The following FUT8 variants were observed in gnomAD, a reference collection of about 807,000 sequenced individuals.
FUT8 encodes the protein alpha-(1,6)-fucosyltransferase.
A neutral mutation model predicts 71.3 loss-of-function variants in FUT8; 29 were observed. That is an observed-to-expected ratio of 0.41 (90% CI 0.30 to 0.55). The LOEUF is 0.55. FUT8 is among the 20% of genes least tolerant of loss of function. FUT8 has a pLI of 0.34. For missense variants in FUT8, 544 were observed against 702.1 expected (o/e 0.77, Z 2.55); for synonymous variants, 254 against 239.3 (o/e 1.06, Z -0.57).
At chr14:65,443,148 C>G (rs540862858) in intron 1 of FUT8, among the ~76,000 whole-genome samples, 1 of 151,900 alleles carries the variant, frequency 6.6e-6, no homozygotes, top group African/African-American at 2.4e-5. Context: ...TGGTGGCTCA[C>G]GCCTGTAATC....
intron 6 of FUT8, among the ~76,000 whole-genome samples, chr14:65,651,307 T>C (rs1248558937): frequency 1.3e-5 from 2 of 152,256 alleles, no homozygotes; most frequent in African/African-American, 4.8e-5. Context: ...TGCTGTGTTA[T>C]ACCACCCAGG....
intron 6 of FUT8, among the ~76,000 whole-genome samples, chr14:65,639,748 A>G (rs1012871404): frequency 6.6e-6 from 1 of 152,134 alleles, no homozygotes; most frequent in Non-Finnish European, 1.5e-5. Context: ...ACCCAGCTTT[A>G]TGATCAGTTT....
upstream of FUT8, among the ~76,000 whole-genome samples, chr14:65,408,198 G>A (rs2065094552): frequency 6.6e-6 from 1 of 151,898 alleles, no homozygotes; most frequent in South Asian, 2.1e-4. Context: ...CTTTTTTTTG[G>A]AAGTTAAGCC....
At chr14:65,465,434 A>C (rs1314151610) in intron 2 of FUT8, among the ~76,000 whole-genome samples, 2 of 152,120 alleles carry the variant, frequency 1.3e-5, no homozygotes, top group Non-Finnish European at 2.9e-5. Context: ...AGCCTCCCAA[A>C]GTGCTGGGAT....
chr14:65,604,879 A>C (rs1443496402), intron 3 of FUT8, among the ~76,000 whole-genome samples: 1 of 152,008 alleles, frequency 6.6e-6, no homozygotes, highest in Non-Finnish European at 1.5e-5. Context: ...AGTGTTGTGC[A>C]TACCTCCTGT....
At chr14:65,538,374 C>G (rs1412286466) in intron 2 of FUT8, among the ~76,000 whole-genome samples, 1 of 152,170 alleles carries the variant, frequency 6.6e-6, no homozygotes, top group Non-Finnish European at 1.5e-5. Flanking sequence ...GAAGGGTTTC[C>G]AGCTTCCTCT....
At chr14:65,461,239 T>C (rs2065964680) in intron 2 of FUT8, among the ~76,000 whole-genome samples, 1 of 152,208 alleles carries the variant, frequency 6.6e-6, no homozygotes, top group Non-Finnish European at 1.5e-5. Flanking sequence ...AACTCCAATC[T>C]CTACCTCAGT....
intron 2 of FUT8, among the ~76,000 whole-genome samples, chr14:65,499,219 C>T (rs1208847138): frequency 6.6e-6 from 1 of 152,124 alleles, no homozygotes; most frequent in East Asian, 1.9e-4. Flanking sequence ...CCATACCTGG[C>T]TGAATTTTTT....
intron 3 of FUT8, among the ~76,000 whole-genome samples, chr14:65,589,176 C>T (rs567227890): frequency 1.3e-5 from 2 of 152,254 alleles, no homozygotes; most frequent in East Asian, 3.9e-4. Flanking sequence ...TTTGTTTTTA[C>T]ATGTAATCTA....
the FUT8 span, among the ~76,000 whole-genome samples, chr14:65,368,363 A>G: frequency 5.7e-5 from 6 of 104,826 alleles, no homozygotes; most frequent in African/African-American, 1.0e-4. Context: ...TTTTTGGGAC[A>G]GAGTTTCGCT....
chr14:65,706,475 C>T (rs1894558853), intron 7 of FUT8, among the ~76,000 whole-genome samples: 1 of 152,096 alleles, frequency 6.6e-6, no homozygotes, highest in African/African-American at 2.4e-5. Context: ...CCTTATAAAA[C>T]AGGATTATTA....
chr14:65,650,525 T>C (rs998351366), intron 6 of FUT8, among the ~76,000 whole-genome samples: 7 of 150,872 alleles, frequency 4.6e-5, no homozygotes, highest in African/African-American at 1.7e-4. Flanking sequence ...AACAGTCAGA[T>C]CTCCTGAGGA....
Position 65,413,643 on chromosome 14 carries a change from T to C in FUT8, c.-326+429T>C, listed in dbSNP as rs2065175092. 6.6e-6 allele frequency among the ~76,000 whole-genome samples: 1 copy of C among 152,180 alleles called. No individual in the cohort carries two copies. Among genetic ancestry groups the C allele is most frequent in the South Asian group, 2.1e-4 (1 of 4,828 alleles). On this transcript the variant is annotated intron_variant, in intron 1 of 10. Transcript: ENST00000673929. This position sits in a 1 kb window ranked among gnomAD's most constrained non-coding sequence, Gnocchi z 4.1. ...GAGTCGCGGTTTGTGGGGAGGAAGA[T>C]GCCCGTGCGTTATGGGCTCTTTCTG...
intron 2 of FUT8, among the ~76,000 whole-genome samples, chr14:65,497,319 G>A (rs969347922): frequency 2.0e-5 from 3 of 152,156 alleles, no homozygotes; most frequent in Non-Finnish European, 2.9e-5. Context: ...TTACTAGAGT[G>A]TGGTTCAAGG....
chr14:65,740,697 A>G (rs1373151415), intron 10 of FUT8, among the ~76,000 whole-genome samples: 2 of 151,892 alleles, frequency 1.3e-5, no homozygotes, highest in Non-Finnish European at 2.9e-5. Flanking sequence ...ATATTTTTAA[A>G]CAATCAGATC....
intron 3 of FUT8, among the ~76,000 whole-genome samples, chr14:65,597,213 TC>T (rs1888028095): frequency 6.6e-6 from 1 of 152,152 alleles, no homozygotes; most frequent in East Asian, 1.9e-4. Flanking sequence ...AAGTCTGTCT[TC>T]CTGTAAAAAC....
At chr14:65,387,087 C>T in the FUT8 span, among the ~76,000 whole-genome samples, 1 of 152,144 alleles carries the variant, frequency 6.6e-6, no homozygotes, top group Non-Finnish European at 1.5e-5. Flanking sequence ...GGTGATCCGC[C>T]TGCCTTGGCC....
intron 7 of FUT8, among the ~76,000 whole-genome samples, chr14:65,694,219 T>A (rs1893862938): frequency 6.6e-6 from 1 of 152,216 alleles, no homozygotes; most frequent in South Asian, 2.1e-4. Flanking sequence ...GGATTTAATT[T>A]GTGCTTTTTT....
the FUT8 span, among the ~76,000 whole-genome samples, chr14:65,385,139 T>C: frequency 6.6e-6 from 1 of 152,062 alleles, no homozygotes; most frequent in African/African-American, 2.4e-5. Context: ...CCTCAGGTGA[T>C]GCACCTGCCT....
Sources: allele counts gnomAD v4.1 joint callset (sites outside exome capture counted in the v4.1 genomes callset), GRCh38; gene constraint gnomAD v4.1.1; non-coding constraint Gnocchi (gnomAD v3.1); transcripts MANE v1.5; gene names NCBI Gene and HGNC (gene_info 2026-07-23, HGNC 2026-07-21).